NGEF: variants seen among roughly 807,000 people sequenced by gnomAD.
NGEF encodes the protein ephexin-1.
NGEF carries 31 observed loss-of-function variants against 80.9 expected under a neutral mutation model. That is an observed-to-expected ratio of 0.38 (90% CI 0.29 to 0.52). The LOEUF is 0.52. Ranked by LOEUF, NGEF falls within the 20% of genes least tolerant of loss-of-function variation. The probability of loss-of-function intolerance (pLI) is 0.84; values close to 1 mark genes in which losing one functional copy is unlikely to be tolerated. For missense variants in NGEF, 709 were observed against 926.2 expected (o/e 0.77, Z 3.04); for synonymous variants, 371 against 370.2 (o/e 1.00, Z -0.03).
intron 7 of NGEF, 133 bp from the exon 8 acceptor site, chr2:232,891,620 GTT>G: frequency 9.5e-7 from 1 of 1,049,686 alleles, no homozygotes; most frequent in Admixed American, 3.0e-5. Context: ...TTCTTTCTTT[GTT>G]TTTTTTCAAA....
rs1261682260 is a variant in NGEF, at chr2:232,969,487, TCCTC to T, written c.383+723_383+726del. Among the ~76,000 whole-genome samples the T allele has an allele frequency of 1.3e-3, 149 of 112,368 alleles. 5 individuals are homozygous for T. The highest frequency in any genetic ancestry group is 3.9e-3 in the African/African-American group (110 of 28,242). 73.7% of individuals were successfully genotyped at this position (112,368 alleles called of 152,430 possible). On this transcript the variant is annotated intron_variant, in intron 3 of 14. Transcript: ENST00000264051. Reference sequence around the variant, plus strand: ...CTTCCTTCCTTCTTCCTTCCTTCCTTCCTCCCTCCCTCCCTCCCTCCCCTGCTTC... The same window carrying T: ...CTTCCTTCCTTCTTCCTTCCTTCCTTCCTCCCTCCCTCCCTCCCCTGCTTC...
In NGEF at chr2:232,892,865, C is replaced by A. The variant is rs767120152; in HGVS notation, c.1142+33G>T. The A allele has an allele frequency of 6.2e-7, 1 of 1,605,694 alleles. No homozygotes were observed. The highest frequency in any genetic ancestry group is 8.5e-7 in the Non-Finnish European group (1 of 1,174,818). ...GGTATGGCTGCCCCGGGCACCTCCC[C>A]CTGCCCCTGAGCCCCTTGCCGGATA... On this transcript the variant is annotated intron_variant, in intron 7 of 14. Coordinates refer to ENST00000264051, the MANE Select transcript of NGEF (RefSeq NM_019850.3). The surrounding 1 kb of genome is among the most constrained non-coding windows in gnomAD (Gnocchi z 4.0).
At chr2:232,907,415 GA>G (rs1692591734) in intron 5 of NGEF, among the ~76,000 whole-genome samples, 1 of 152,002 alleles carries the variant, frequency 6.6e-6, no homozygotes, top group South Asian at 2.1e-4. Flanking sequence ...TAAATAGACT[GA>G]AAAAAAGATC....
At chr2:232,918,094 G>A (rs1169271291) in intron 5 of NGEF, among the ~76,000 whole-genome samples, 1 of 152,124 alleles carries the variant, frequency 6.6e-6, no homozygotes, top group Non-Finnish European at 1.5e-5. Flanking sequence ...GAGTAGCTGG[G>A]ACTACAGGTG....
At chr2:232,976,502 T>C (rs1305055342) in intron 1 of NGEF, among the ~76,000 whole-genome samples, 2 of 152,156 alleles carry the variant, frequency 1.3e-5, no homozygotes, top group African/African-American at 4.8e-5. Flanking sequence ...GAGAATGCCT[T>C]CGTTTACCTA....
chr2:232,927,938 G>A, intron 3 of NGEF: 1 of 1,345,740 alleles, frequency 7.4e-7, no homozygotes, highest in African/African-American at 1.5e-5. Flanking sequence ...GTCGCTTTCC[G>A]AGGTGGAACT....
intron 3 of NGEF, among the ~76,000 whole-genome samples, chr2:232,945,150 A>G (rs1693532282): frequency 6.6e-6 from 1 of 152,180 alleles, no homozygotes; most frequent in Admixed American, 6.5e-5. Context: ...AAATAAACCA[A>G]AACAAATGAA....
intron 3 of NGEF, among the ~76,000 whole-genome samples, chr2:232,939,857 C>T (rs1246439579): frequency 5.9e-5 from 9 of 152,108 alleles, no homozygotes; most frequent in Admixed American, 2.6e-4. Flanking sequence ...ATTAGCTGGG[C>T]GTGGTGCTGC....
chr2:232,920,633 C>G, intron 4 of NGEF, 48 bp from the exon 5 acceptor site: 1 of 1,492,778 alleles, frequency 6.7e-7, no homozygotes, highest in South Asian at 1.4e-5. Context: ...TCTCAGATGA[C>G]AATCATTAGA....
chr2:232,901,426 T>A (rs1293413707), intron 5 of NGEF: 4 of 985,304 alleles, frequency 4.1e-6, no homozygotes, highest in Non-Finnish European at 4.8e-6. Flanking sequence ...CCAGCCTGAT[T>A]TGGGTTGTTT....
At chr2:232,997,580 G>A (rs925655535) in intron 1 of NGEF, among the ~76,000 whole-genome samples, 4 of 152,056 alleles carry the variant, frequency 2.6e-5, no homozygotes, top group African/African-American at 4.8e-5. Flanking sequence ...GGCACCAGTC[G>A]ACTCCCTATT....
intron 5 of NGEF, chr2:232,905,765 G>A (rs576311196): frequency 1.3e-3 from 501 of 372,866 alleles, no homozygotes; most frequent in African/African-American, 9.2e-3. Flanking sequence ...CCCTGTCTGG[G>A]ATGTGAGGAG....
chr2:232,996,068 T>C (rs1430467527), intron 1 of NGEF, among the ~76,000 whole-genome samples: 2 of 152,008 alleles, frequency 1.3e-5, no homozygotes, highest in African/African-American at 4.8e-5. Flanking sequence ...GCAGTCAACA[T>C]GAAAAGGAGA....
intron 1 of NGEF, among the ~76,000 whole-genome samples, chr2:232,987,168 C>T (rs984448440): frequency 6.6e-5 from 10 of 152,088 alleles, no homozygotes; most frequent in Non-Finnish European, 1.3e-4. Context: ...AGGCACGTGC[C>T]GCCACGCCTG....
At chr2:232,999,065 C>T (rs1694917433) in intron 1 of NGEF, among the ~76,000 whole-genome samples, 1 of 152,126 alleles carries the variant, frequency 6.6e-6, no homozygotes, top group Admixed American at 6.6e-5. Context: ...CATCCCCCAT[C>T]TTTCCAAACC....
chr2:232,892,384 G>A lies in NGEF; in HGVS notation c.1142+514C>T, dbSNP rs1475599597. ...TGCGAACCTCAGTGCGCAGAATTCAGAAGAGGCACGCTGGCTGGAAAATTA... is the reference window on the plus strand; with the variant it reads ...TGCGAACCTCAGTGCGCAGAATTCAAAAGAGGCACGCTGGCTGGAAAATTA... On this transcript the variant is annotated intron_variant, in intron 7 of 14. Transcript: ENST00000264051. The surrounding 1 kb of genome is among the most constrained non-coding windows in gnomAD (Gnocchi z 4.0). 3.9e-5 allele frequency among the ~76,000 whole-genome samples: 6 copies of A among 152,144 alleles called. No individual in the cohort carries two copies. Among genetic ancestry groups the A allele is most frequent in the Non-Finnish European group, 8.8e-5 (6 of 68,024 alleles).
intron 5 of NGEF, among the ~76,000 whole-genome samples, chr2:232,918,104 G>A (rs1460467483): frequency 3.3e-5 from 5 of 152,038 alleles, no homozygotes; most frequent in African/African-American, 1.2e-4. Context: ...GACTACAGGT[G>A]GGCGCCACCA....
chr2:232,998,891 A>C (rs906898536), intron 1 of NGEF, among the ~76,000 whole-genome samples: 2 of 152,126 alleles, frequency 1.3e-5, no homozygotes, highest in Non-Finnish European at 2.9e-5. Context: ...TTGCATATCT[A>C]GTTCATGGTA....
In NGEF at chr2:232,883,382, G is replaced by A. The variant is rs767173719; in HGVS notation, c.1686C>T (p.Asn562=). ...TCTCCAGCAGCCGCAGGATGAACAC[G>A]TTGGCCAGCGTCTGGCCCTGGTCCT... ...ELEDQGQTLA[N]VFILRLLENA... is the part of the protein sequence containing the mutation. Residue 562 remains asparagine, a synonymous_variant, in exon 12 of 15, where the codon AAC becomes AAT. Transcript: ENST00000264051. 15 of 1,612,658 alleles carry A rather than the reference G, an allele frequency of 9.3e-6. No homozygotes were observed. Among genetic ancestry groups the A allele is most frequent in the African/African-American group, 2.7e-5 (2 of 74,902 alleles).
Sources: allele counts gnomAD v4.1 joint callset (sites outside exome capture counted in the v4.1 genomes callset), GRCh38; gene constraint gnomAD v4.1.1; non-coding constraint Gnocchi (gnomAD v3.1); transcripts MANE v1.5; gene names NCBI Gene and HGNC (gene_info 2026-07-23, HGNC 2026-07-21).